The following SV2C variants were observed in gnomAD, a reference collection of about 807,000 sequenced individuals.
SV2C encodes the protein solute carrier family 22 member B3.
Under a neutral mutation model 79.7 loss-of-function variants are expected in SV2C, and 49 were observed. The observed-to-expected ratio is 0.61, with a 90% CI of 0.49 to 0.78. The LOEUF is 0.78. Among genes scored for constraint, SV2C ranks in the 30% least tolerant of loss-of-function variants. The pLI, the probability that SV2C is intolerant of heterozygous loss-of-function variation, is 0.00. For missense variants in SV2C, 833 were observed against 912.9 expected (o/e 0.91, Z 1.13); for synonymous variants, 334 against 333.2 (o/e 1.00, Z -0.03).
rs534335862 is a variant in SV2C at position 76,321,553 on chromosome 5, AAT to A, written c.2001-3808_2001-3807del. ...CCAGGAGTTTGAGACCATCCTGGGC[AAT>A]ATGATGAAACCCCATCTCTACAAAA... On this transcript the variant is annotated intron_variant, in intron 12 of 12. Transcript: ENST00000502798. Among the ~76,000 whole-genome samples the A allele has an allele frequency of 1.2e-4, 18 of 152,156 alleles. No individual in the cohort carries two copies. The East Asian group carries it at 3.5e-3, about 29-fold the overall frequency.
the SV2C span, among the ~76,000 whole-genome samples, chr5:76,021,475 C>A: frequency 6.6e-6 from 1 of 152,180 alleles, no homozygotes; most frequent in African/African-American, 2.4e-5. Flanking sequence ...CTTCAGCTGC[C>A]TTCCTGACAA....
chr5:76,187,019 C>A (rs1352781437), intron 2 of SV2C, among the ~76,000 whole-genome samples: 3 of 152,156 alleles, frequency 2.0e-5, no homozygotes, highest in South Asian at 2.1e-4. Context: ...CAGCACAGAA[C>A]TTGGAGTAGG....
chr5:75,869,551 C>T, the SV2C span, among the ~76,000 whole-genome samples: 5 of 152,300 alleles, frequency 3.3e-5, no homozygotes, highest in African/African-American at 1.2e-4. Flanking sequence ...CTGGATGGCA[C>T]CTCTGGACCT....
chr5:76,066,683 G>T, the SV2C span, among the ~76,000 whole-genome samples: 1 of 151,094 alleles, frequency 6.6e-6, no homozygotes, highest in African/African-American at 2.4e-5. Context: ...GTTTTAAAAA[G>T]TAACTGAACT....
chr5:76,312,107 G>A (rs144019037), intron 12 of SV2C, among the ~76,000 whole-genome samples: 52 of 152,286 alleles, frequency 3.4e-4, no homozygotes, highest in Middle Eastern at 3.4e-3. Flanking sequence ...TAGCTCCCGC[G>A]GTGTAGGCCT....
chr5:75,910,218 C>T, the SV2C span: 2 of 388,546 alleles, frequency 5.1e-6, no homozygotes. Context: ...AGGTGGATTG[C>T]ATGAGTTCAA....
chr5:76,205,360 G>A (rs1347606118), intron 3 of SV2C, among the ~76,000 whole-genome samples: 1 of 152,100 alleles, frequency 6.6e-6, no homozygotes, highest in Non-Finnish European at 1.5e-5. Flanking sequence ...TATTTCATTT[G>A]TATAAATTAA....
At chr5:76,146,347 G>A (rs1479190186) in intron 2 of SV2C, among the ~76,000 whole-genome samples, 2 of 152,176 alleles carry the variant, frequency 1.3e-5, no homozygotes, top group Admixed American at 6.5e-5. Context: ...AGCCCCGAGG[G>A]CTGCTGGTTG....
chr5:76,214,292 C>G (rs1744851817), intron 4 of SV2C, among the ~76,000 whole-genome samples: 2 of 152,120 alleles, frequency 1.3e-5, no homozygotes, highest in Admixed American at 1.3e-4. Flanking sequence ...AAGAGACTAT[C>G]CTTTCCTTAT....
intron 1 of SV2C, among the ~76,000 whole-genome samples, chr5:76,116,962 A>G (rs1400638479): frequency 6.6e-6 from 1 of 152,160 alleles, no homozygotes; most frequent in East Asian, 1.9e-4. Flanking sequence ...ACTTTACCCG[A>G]GATGGGTCCA....
At chr5:75,940,889 C>T in the SV2C span, among the ~76,000 whole-genome samples, 18 of 152,094 alleles carry the variant, frequency 1.2e-4, no homozygotes, top group African/African-American at 2.2e-4. Context: ...TGTAATTTTG[C>T]GCTTGCTTCA....
the SV2C span, among the ~76,000 whole-genome samples, chr5:75,927,858 AAAAG>A: frequency 7.2e-5 from 11 of 152,198 alleles, no homozygotes; most frequent in Non-Finnish European, 1.6e-4. Flanking sequence ...AAAAAATTTC[AAAAG>A]AAAGGGTGAG....
At chr5:76,267,925 T>C (rs1481509041) in intron 4 of SV2C, among the ~76,000 whole-genome samples, 2 of 152,214 alleles carry the variant, frequency 1.3e-5, no homozygotes, top group Admixed American at 6.5e-5. Flanking sequence ...TAAGAACCAC[T>C]TGGGGTGCTT....
chr5:76,225,904 T>C (rs955295694), intron 4 of SV2C, among the ~76,000 whole-genome samples: 3 of 152,202 alleles, frequency 2.0e-5, no homozygotes, highest in Non-Finnish European at 4.4e-5. Flanking sequence ...TGGGCATCCG[T>C]CTGTGCCTGG....
chr5:76,000,084 A>T, the SV2C span, among the ~76,000 whole-genome samples: 1 of 152,162 alleles, frequency 6.6e-6, no homozygotes, highest in African/African-American at 2.4e-5. Context: ...ATGTCGACCC[A>T]TATAGTGGAA....
At chr5:76,291,717 G>A (rs756651717) in intron 7 of SV2C, 51 bp from the exon 8 acceptor site, 5 of 1,320,974 alleles carry the variant, frequency 3.8e-6, no homozygotes, top group Admixed American at 1.9e-5. Flanking sequence ...GTCGGGGAGT[G>A]GGGTTGACTA....
chr5:76,027,721 T>C, the SV2C span, among the ~76,000 whole-genome samples: 1 of 152,228 alleles, frequency 6.6e-6, no homozygotes, highest in Non-Finnish European at 1.5e-5. Context: ...TAGAAACAGT[T>C]TGATCCTTTC....
intron 12 of SV2C, among the ~76,000 whole-genome samples, chr5:76,309,587 G>A (rs372845325): frequency 1.8e-4 from 17 of 92,848 alleles, no homozygotes; most frequent in East Asian, 1.5e-3. Flanking sequence ...GCGACAGAGC[G>A]AAACTCCATC....
chr5:75,859,318 C>T, the SV2C span, among the ~76,000 whole-genome samples: 3 of 152,190 alleles, frequency 2.0e-5, no homozygotes, highest in Admixed American at 6.5e-5. Flanking sequence ...TCTCTTGCCT[C>T]TTCACATACG....
Sources: allele counts gnomAD v4.1 joint callset (sites outside exome capture counted in the v4.1 genomes callset), GRCh38; gene constraint gnomAD v4.1.1; transcripts MANE v1.5; gene names NCBI Gene and HGNC (gene_info 2026-07-23, HGNC 2026-07-21).